PINX1: variants seen among roughly 807,000 people sequenced by gnomAD.
PINX1 encodes the protein PIN2/TERF1-interacting telomerase inhibitor 1.
In PINX1, 34 loss-of-function variants were observed where a neutral mutation model predicts 25.4. The ratio of observed to expected loss-of-function variants is 1.34; its 90% CI spans 1.02 to 1.78. PINX1 has a LOEUF of 1.78. Ranked by LOEUF, PINX1 falls within the 40% of genes most tolerant of loss-of-function variation. The pLI is 0.00. For synonymous variants in PINX1, 197 were observed against 147.7 expected, an observed-to-expected ratio of 1.33 and a Z score of -2.42; for missense variants, 592 against 404.9, an observed-to-expected ratio of 1.46 and a Z score of -3.97.
intron 6 of PINX1, among the ~76,000 whole-genome samples, chr8:10,803,974 T>C (rs923341001): frequency 2.0e-5 from 3 of 151,848 alleles, no homozygotes; most frequent in African/African-American, 7.3e-5. Flanking sequence ...ATTAAAGAAG[T>C]TCAAATTAGC....
intron 6 of PINX1, among the ~76,000 whole-genome samples, chr8:10,791,802 C>T (rs1005243519): frequency 5.9e-5 from 9 of 152,112 alleles, no homozygotes; most frequent in Non-Finnish European, 1.3e-4. Context: ...TCCAGCACTG[C>T]GCGAGGCAAA....
chr8:10,821,483 T>C (rs986145157), intron 5 of PINX1, among the ~76,000 whole-genome samples: 4 of 152,200 alleles, frequency 2.6e-5, no homozygotes, highest in African/African-American at 9.7e-5. Context: ...CTACCTGAGC[T>C]TGACACTAAG....
intron 6 of PINX1, among the ~76,000 whole-genome samples, chr8:10,777,360 C>T (rs1214898786): frequency 6.6e-6 from 1 of 152,232 alleles, no homozygotes; most frequent in African/African-American, 2.4e-5. Flanking sequence ...GTTTGAAGTC[C>T]TTGCTGCCGG....
chr8:10,830,502 C>A (rs1301529621), intron 4 of PINX1, among the ~76,000 whole-genome samples: 3 of 152,198 alleles, frequency 2.0e-5, no homozygotes, highest in Non-Finnish European at 4.4e-5. Context: ...GTTTGCTGAA[C>A]TCAAGTCTAA....
Position 10,821,010 on chromosome 8 carries a change from T to C in PINX1, c.395-741A>G, listed in dbSNP as rs975275299. Among the ~76,000 whole-genome samples, 50 of 152,366 alleles carry C rather than the reference T, an allele frequency of 3.3e-4. 1 individual carries two copies. The highest frequency in any genetic ancestry group is 1.2e-3 in the African/African-American group (49 of 41,592). ...TAATTTAAAATTCACTTCTTTGGAA[T>C]TTCCACTTCTACCCAATAATCCTCT... On this transcript the variant is annotated intron_variant, in intron 5 of 6. Transcript: ENST00000314787.
At chr8:10,787,132 T>G (rs543493638) in intron 6 of PINX1, among the ~76,000 whole-genome samples, 2 of 152,140 alleles carry the variant, frequency 1.3e-5, no homozygotes, top group East Asian at 1.9e-4. Context: ...AATGCATAAA[T>G]AGCAGAAATG....
At chr8:10,782,548 C>A (rs1428802923) in intron 6 of PINX1, among the ~76,000 whole-genome samples, 1 of 152,016 alleles carries the variant, frequency 6.6e-6, no homozygotes, top group Admixed American at 6.5e-5. Flanking sequence ...CCAACGTGGC[C>A]AATATGCTGA....
At chr8:10,825,447 C>T (rs778894308) in intron 5 of PINX1, 2 of 534,666 alleles carry the variant, frequency 3.7e-6, no homozygotes, top group Non-Finnish European at 7.7e-6. Context: ...TGATACTGTT[C>T]TACAGACAAA....
rs1039503783 is a variant in PINX1, at chr8:10,826,320, T to G, written c.302-76A>C. Reference sequence around the variant, plus strand: ...TTTATTCTCCTAACAGTGGATAGTCTTGAAAGAAAATTTTAGGAGCCCTAT... The same window carrying G: ...TTTATTCTCCTAACAGTGGATAGTCGTGAAAGAAAATTTTAGGAGCCCTAT... On this transcript the variant is annotated intron_variant, in intron 4 of 6. Transcript: ENST00000314787. 12 of 764,846 alleles carry G rather than the reference T, an allele frequency of 1.6e-5. No homozygotes were observed. The African/African-American group carries it at 2.1e-4, about 14-fold the overall frequency. 47.4% of individuals were successfully genotyped at this position (764,846 alleles called of 1,614,324 possible).
rs144865803 is a variant in PINX1 at position 10,778,102 on chromosome 8, G to C, written c.472-12186C>G. Among the ~76,000 whole-genome samples the C allele has an allele frequency of 6.3e-3, 964 of 152,242 alleles. 9 individuals are homozygous for C. The highest frequency in any genetic ancestry group is 8.4e-3 in the Non-Finnish European group (573 of 68,004). On this transcript the variant is annotated intron_variant, in intron 6 of 6. Transcript: ENST00000314787. Reference sequence around the variant, plus strand: ...GTGAATCCAAGGATTACACTCTTTAGAAACCCTGGTCTTTGGGGGCTGGGT... The same window carrying C: ...GTGAATCCAAGGATTACACTCTTTACAAACCCTGGTCTTTGGGGGCTGGGT...
intron 6 of PINX1, among the ~76,000 whole-genome samples, chr8:10,768,884 T>C (rs1211204400): frequency 6.6e-6 from 1 of 152,234 alleles, no homozygotes. Flanking sequence ...ATCTGGTCTC[T>C]ATCAAAGTAA....
At chr8:10,831,628 A>G in intron 4 of PINX1, 37 bp downstream of exon 4, 1 of 1,276,430 alleles carries the variant, frequency 7.8e-7, no homozygotes, top group African/African-American at 1.5e-5. Flanking sequence ...AGATAAACAT[A>G]TTTGCATTGA....
intron 5 of PINX1, among the ~76,000 whole-genome samples, chr8:10,824,826 A>C (rs1373181743): frequency 6.6e-6 from 1 of 152,206 alleles, no homozygotes; most frequent in Non-Finnish European, 1.5e-5. Flanking sequence ...TGTGATCTCT[A>C]GTTTTTCTCT....
intron 1 of PINX1, among the ~76,000 whole-genome samples, chr8:10,836,950 T>G (rs1310414116): frequency 3.4e-5 from 2 of 58,976 alleles, no homozygotes; most frequent in Non-Finnish European, 6.3e-5. Context: ...CTGTTCCAAT[T>G]GGATCACCTT....
chr8:10,785,915 A>T (rs929407585), intron 6 of PINX1, among the ~76,000 whole-genome samples: 1 of 152,204 alleles, frequency 6.6e-6, no homozygotes, highest in Non-Finnish European at 1.5e-5. Context: ...TTACCCTGAA[A>T]ATCAAATTAA....
At chr8:10,826,022 G>A (rs1227099166) in intron 5 of PINX1, 130 bp downstream of exon 5, 2 of 598,204 alleles carry the variant, frequency 3.3e-6, no homozygotes, top group Non-Finnish European at 5.9e-6. Context: ...CTCCAGCGCT[G>A]TTTCACAGCA....
chr8:10,771,615 A>C (rs1424929198), intron 6 of PINX1, among the ~76,000 whole-genome samples: 1 of 152,218 alleles, frequency 6.6e-6, no homozygotes, highest in Non-Finnish European at 1.5e-5. Flanking sequence ...GTGCTCAACA[A>C]AGGCACAAAG....
chr8:10,838,664 C>T (rs951014174), intron 1 of PINX1, among the ~76,000 whole-genome samples: 4 of 152,192 alleles, frequency 2.6e-5, no homozygotes, highest in Admixed American at 1.3e-4. Context: ...CTAACCCTGA[C>T]TCCTCATTTT....
intron 1 of PINX1, among the ~76,000 whole-genome samples, chr8:10,838,583 G>A (rs896779807): frequency 6.6e-6 from 1 of 152,176 alleles, no homozygotes; most frequent in South Asian, 2.1e-4. Flanking sequence ...GGCCAAAGTC[G>A]CCAAGTGCAT....
Sources: allele counts gnomAD v4.1 joint callset (sites outside exome capture counted in the v4.1 genomes callset), GRCh38; gene constraint gnomAD v4.1.1; transcripts MANE v1.5; gene names NCBI Gene and HGNC (gene_info 2026-07-23, HGNC 2026-07-21).